Variants in SLC17A1 observed in about 807,000 individuals in gnomAD.
The protein encoded by SLC17A1 is sodium-dependent phosphate transport protein 1.
Under a neutral mutation model 53.5 loss-of-function variants are expected in SLC17A1, and 51 were observed. That is an observed-to-expected ratio of 0.95 (90% CI 0.76 to 1.20). The LOEUF (loss-of-function observed/expected upper bound fraction) is 1.20, where lower values mean the gene tolerates loss of function less well. Ranked by LOEUF, SLC17A1 falls within the 50% of genes most tolerant of loss-of-function variation. The probability of loss-of-function intolerance (pLI) is 0.00; values close to 1 mark genes in which losing one functional copy is unlikely to be tolerated. For synonymous variants in SLC17A1, 179 were observed against 198.8 expected, an observed-to-expected ratio of 0.90 and a Z score of 0.84; for missense variants, 538 against 568.2, an observed-to-expected ratio of 0.95 and a Z score of 0.54.
chr6:25,753,890 G>C, the SLC17A1 span, among the ~76,000 whole-genome samples: 612 of 152,280 alleles, frequency 4.0e-3, 3 homozygotes, highest in African/African-American at 0.014. Context: ...TTTAGATAGG[G>C]AGGAAGTTCA....
At chr6:25,814,751 A>G (rs1764276161) in intron 6 of SLC17A1, among the ~76,000 whole-genome samples, 1 of 152,180 alleles carries the variant, frequency 6.6e-6, no homozygotes, top group Non-Finnish European at 1.5e-5. Context: ...TGGAAGGCCG[A>G]GGCGGGCGGA....
intron 12 of SLC17A1, among the ~76,000 whole-genome samples, chr6:25,784,821 A>G (rs892979920): frequency 6.6e-6 from 1 of 152,174 alleles, no homozygotes; most frequent in Non-Finnish European, 1.5e-5. Context: ...TAAGAATTTT[A>G]AAATATGTGT....
At chr6:25,749,665 A>G in the SLC17A1 span, among the ~76,000 whole-genome samples, 1 of 151,904 alleles carries the variant, frequency 6.6e-6, no homozygotes, top group South Asian at 2.1e-4. Context: ...AGCCAGAGGG[A>G]CTCAAGTTTT....
chr6:25,735,280 T>G, the SLC17A1 span, among the ~76,000 whole-genome samples: 1 of 152,166 alleles, frequency 6.6e-6, no homozygotes, highest in Non-Finnish European at 1.5e-5. Flanking sequence ...AAATAGGGAA[T>G]GTAGGGGGAT....
intron 10 of SLC17A1, among the ~76,000 whole-genome samples, chr6:25,808,550 A>G (rs1445989374): frequency 6.6e-6 from 1 of 151,986 alleles, no homozygotes; most frequent in Non-Finnish European, 1.5e-5. Context: ...CTCCAACTTA[A>G]CAACAACAAA....
the SLC17A1 span, among the ~76,000 whole-genome samples, chr6:25,734,412 C>G: frequency 2.0e-5 from 3 of 151,976 alleles, no homozygotes; most frequent in Non-Finnish European, 4.4e-5. Context: ...ATGAGGTTAC[C>G]AATGAGCTAA....
intron 2 of SLC17A1, among the ~76,000 whole-genome samples, chr6:25,829,033 T>C (rs1336787484): frequency 6.6e-6 from 1 of 151,856 alleles, no homozygotes; most frequent in Non-Finnish European, 1.5e-5. Context: ...AAATAAACCA[T>C]TTTTTTAAAA....
At chr6:25,793,524 T>A (rs1763545297) in intron 12 of SLC17A1, among the ~76,000 whole-genome samples, 1 of 152,172 alleles carries the variant, frequency 6.6e-6, no homozygotes, top group Admixed American at 6.5e-5. Context: ...TTCTTTTTAG[T>A]ATATCGGTGC....
At chr6:25,768,906 A>T in the SLC17A1 span, 4 of 1,301,380 alleles carry the variant, frequency 3.1e-6, no homozygotes, top group African/African-American at 4.3e-5. Flanking sequence ...ACAGATACCA[A>T]TCTTCTCCTT....
the SLC17A1 span, chr6:25,731,981 A>C: frequency 6.3e-7 from 1 of 1,590,736 alleles, no homozygotes; most frequent in Non-Finnish European, 8.6e-7. Flanking sequence ...AATTCATGAT[A>C]CTCATGGCCT....
intron 2 of SLC17A1, among the ~76,000 whole-genome samples, chr6:25,827,053 TG>T (rs1329192262): frequency 2.0e-5 from 3 of 152,030 alleles, no homozygotes; most frequent in African/African-American, 7.2e-5. Context: ...GAGAAAAAAA[TG>T]GCATTTTAAA....
At chr6:25,732,196 C>G in the SLC17A1 span, 1 of 371,318 alleles carries the variant, frequency 2.7e-6, no homozygotes, top group South Asian at 2.9e-5. Flanking sequence ...AGATCACTAA[C>G]TGATGTTTGA....
chr6:25,758,704 A>T, the SLC17A1 span, among the ~76,000 whole-genome samples: 76 of 151,718 alleles, frequency 5.0e-4, no homozygotes, highest in East Asian at 0.013. Context: ...AGTGTCGCTG[A>T]TGGTCTGGCA....
the SLC17A1 span, among the ~76,000 whole-genome samples, chr6:25,724,224 G>C: frequency 6.6e-6 from 1 of 152,198 alleles, no homozygotes; most frequent in Non-Finnish European, 1.5e-5. Context: ...AGGAGTTGGA[G>C]ACCAGCCTGG....
chr6:25,812,805 A>G, intron 8 of SLC17A1, 26 bp downstream of exon 8: 1 of 1,557,996 alleles, frequency 6.4e-7, no homozygotes, highest in Middle Eastern at 1.7e-4. Flanking sequence ...CGTGAAGTTA[A>G]AAAAAAGAAC....
the SLC17A1 span, among the ~76,000 whole-genome samples, chr6:25,745,734 C>G: frequency 6.6e-6 from 1 of 152,212 alleles, no homozygotes; most frequent in African/African-American, 2.4e-5. Flanking sequence ...AACAGATGAT[C>G]TGGCCTCTTT....
chr6:25,785,379 G>A (rs1471507815), intron 12 of SLC17A1, among the ~76,000 whole-genome samples: 1 of 152,100 alleles, frequency 6.6e-6, no homozygotes, highest in Admixed American at 6.6e-5. Flanking sequence ...AGAAAACTTA[G>A]GGGTACATCT....
chr6:25,754,377 G>A, the SLC17A1 span, among the ~76,000 whole-genome samples: 3 of 152,088 alleles, frequency 2.0e-5, no homozygotes, highest in Non-Finnish European at 4.4e-5. Context: ...TAAACAGCAG[G>A]ATGGTGGAAA....
At position 25,830,357 on chromosome 6, in the gene SLC17A1, G is replaced by T. The variant is rs528011886; in HGVS notation, c.34+167C>A. Among the ~76,000 whole-genome samples, 15 of 152,150 alleles carry T rather than the reference G, an allele frequency of 9.9e-5. No individual in the cohort carries two copies. In the South Asian group the frequency reaches 2.9e-3, roughly 30 times the overall value. On this transcript the variant is annotated intron_variant, in intron 2 of 12. Coordinates refer to ENST00000244527, the MANE Select transcript of SLC17A1 (RefSeq NM_005074.5). The stretch of plus-strand genomic sequence containing the variant: ...AGAGTATGTAGAATCTTTTTATTTA[G>T]GGCTTTTCTGGTGGAAAACCATAGT...
Sources: gnomAD v4.1 joint callset for allele counts (sites outside exome capture counted in the v4.1 genomes callset) on GRCh38, gnomAD v4.1.1 for gene constraint, MANE v1.5 for transcripts, NCBI Gene and HGNC (gene_info 2026-07-23, HGNC 2026-07-21) for gene names.